CSMD1: variants seen among roughly 807,000 people sequenced by gnomAD.
CSMD1 encodes the protein CUB and sushi domain-containing protein 1.
Under a neutral mutation model 417.5 loss-of-function variants are expected in CSMD1, and 213 were observed. The ratio of observed to expected loss-of-function variants is 0.51; its 90% CI spans 0.46 to 0.57. The LOEUF is 0.57. CSMD1 is among the 20% of genes least tolerant of loss of function. The probability of loss-of-function intolerance (pLI) is 0.00; values close to 1 mark genes in which losing one functional copy is unlikely to be tolerated. For synonymous variants in CSMD1, 2,862 were observed against 1,736.8 expected (o/e 1.65, Z -16.11); for missense variants, 6,923 against 4,529.7 (o/e 1.53, Z -15.17).
intron 23 of CSMD1, among the ~76,000 whole-genome samples, chr8:3,311,933 T>C (rs1286101523): frequency 1.3e-5 from 2 of 152,214 alleles, no homozygotes; most frequent in Non-Finnish European, 2.9e-5. Context: ...AATATGCCTC[T>C]ATGTTCAGAA....
intron 1 of CSMD1, among the ~76,000 whole-genome samples, chr8:4,685,735 T>A (rs987656970): frequency 1.3e-5 from 2 of 152,230 alleles, no homozygotes; most frequent in African/African-American, 4.8e-5. Context: ...ACATTCTTTT[T>A]AAGAAATTAC....
At chr8:4,193,907 G>T (rs997738248) in intron 3 of CSMD1, among the ~76,000 whole-genome samples, 1 of 151,824 alleles carries the variant, frequency 6.6e-6, no homozygotes, top group African/African-American at 2.4e-5. Context: ...AAGGAAAGCG[G>T]CAGGAGAAAG....
At chr8:3,568,375 G>C (rs962452232) in intron 10 of CSMD1, among the ~76,000 whole-genome samples, 3 of 152,062 alleles carry the variant, frequency 2.0e-5, no homozygotes, top group Non-Finnish European at 4.4e-5. Context: ...CCTTGAGTCT[G>C]TACAGTTTTT....
chr8:3,599,219 G>A (rs1443028712), intron 8 of CSMD1, among the ~76,000 whole-genome samples: 6 of 151,734 alleles, frequency 4.0e-5, no homozygotes, highest in Middle Eastern at 3.4e-3. Context: ...GGTCCTAAAT[G>A]ATAAACAAAG....
intron 3 of CSMD1, among the ~76,000 whole-genome samples, chr8:4,055,837 T>C (rs900788248): frequency 1.3e-5 from 2 of 152,142 alleles, no homozygotes; most frequent in South Asian, 4.1e-4. Flanking sequence ...TTACAGTTGA[T>C]TTTCTTTTTT....
At chr8:4,134,809 C>G (rs1004741194) in intron 3 of CSMD1, among the ~76,000 whole-genome samples, 4 of 152,172 alleles carry the variant, frequency 2.6e-5, no homozygotes, top group Non-Finnish European at 4.4e-5. Context: ...TATTTTAACA[C>G]AAATTTTGTC....
chr8:3,337,472 A>G (rs756460612), intron 23 of CSMD1, among the ~76,000 whole-genome samples: 2 of 152,184 alleles, frequency 1.3e-5, no homozygotes, highest in African/African-American at 2.4e-5. Flanking sequence ...GATGGCTTCA[A>G]AGATCTCTTT....
intron 3 of CSMD1, among the ~76,000 whole-genome samples, chr8:4,331,019 A>G (rs888888996): frequency 1.3e-5 from 2 of 152,176 alleles, no homozygotes; most frequent in African/African-American, 4.8e-5. Flanking sequence ...TTCTTAGTGC[A>G]TTATCTTACA....
At chr8:4,088,852 G>A (rs1048403052) in intron 3 of CSMD1, among the ~76,000 whole-genome samples, 1 of 152,042 alleles carries the variant, frequency 6.6e-6, no homozygotes, top group African/African-American at 2.4e-5. Flanking sequence ...TAGTCTCCTG[G>A]TTTCCATGAC....
intron 23 of CSMD1, among the ~76,000 whole-genome samples, chr8:3,339,748 T>G (rs1203707982): frequency 6.6e-6 from 1 of 152,170 alleles, no homozygotes; most frequent in African/African-American, 2.4e-5. Flanking sequence ...TCTAAGCTTC[T>G]TATGTCACAG....
chr8:3,487,699 C>A (rs1818136167), intron 11 of CSMD1, among the ~76,000 whole-genome samples: 1 of 152,132 alleles, frequency 6.6e-6, no homozygotes, highest in African/African-American at 2.4e-5. Flanking sequence ...AACACATTGT[C>A]AAGAAGGCGG....
intron 17 of CSMD1, among the ~76,000 whole-genome samples, chr8:3,392,359 G>A (rs148799190): frequency 1.3e-5 from 2 of 152,248 alleles, no homozygotes; most frequent in African/African-American, 4.8e-5. Context: ...TTGGATGAGT[G>A]AGTGTAATCA....
intron 3 of CSMD1, among the ~76,000 whole-genome samples, chr8:4,308,456 G>C (rs1798373247): frequency 6.6e-6 from 1 of 152,128 alleles, no homozygotes; most frequent in Non-Finnish European, 1.5e-5. Context: ...TTTAGAAAAG[G>C]ATGTGATCTT....
chr8:3,445,868 T>C (rs1815270939), intron 12 of CSMD1, among the ~76,000 whole-genome samples: 2 of 152,028 alleles, frequency 1.3e-5, no homozygotes, highest in Non-Finnish European at 2.9e-5. Flanking sequence ...AGATGGTATG[T>C]TATAGAAATA....
intron 10 of CSMD1, among the ~76,000 whole-genome samples, chr8:3,494,712 T>C (rs2087596767): frequency 7.2e-6 from 1 of 138,540 alleles, no homozygotes; most frequent in East Asian, 2.1e-4. Flanking sequence ...GAGAGAGAGA[T>C]GTAACAAGAG....
At position 3,516,931 on chromosome 8, in the gene CSMD1, C is replaced by T. The variant is rs183871592; in HGVS notation, c.1345-23205G>A. On this transcript the variant is annotated intron_variant, in intron 10 of 69. Coordinates refer to ENST00000635120, the MANE Select transcript of CSMD1 (RefSeq NM_033225.6). ...AAATCGTAGAACCAACCCAAATGCC[C>T]GTCAATCAACGAGTGGATAAAGAGG... 4.2e-3 allele frequency among the ~76,000 whole-genome samples: 645 copies of T among 152,240 alleles called. 1 individual carries two copies. Among genetic ancestry groups the T allele is most frequent in the South Asian group, 0.023 (112 of 4,816 alleles).
chr8:4,801,249 C>T (rs1798266860), intron 1 of CSMD1, among the ~76,000 whole-genome samples: 1 of 152,160 alleles, frequency 6.6e-6, no homozygotes, highest in South Asian at 2.1e-4. Context: ...TGATCTATGA[C>T]TTTCTCAGCA....
intron 5 of CSMD1, among the ~76,000 whole-genome samples, chr8:3,797,182 G>A (rs930561350): frequency 1.3e-5 from 2 of 151,796 alleles, no homozygotes; most frequent in Non-Finnish European, 2.9e-5. Context: ...TATTCAACTT[G>A]AAATGTCAAA....
rs1024004453 is a variant in CSMD1, at chr8:3,230,291, C to T, written c.4154-60G>A. ...GAAAACATGGTTTCCACATTCTTGT[C>T]GGTGTGGTTGTTCTTGTGGGTTGAA... On this transcript the variant is annotated intron_variant, in intron 26 of 69. Coordinates refer to ENST00000635120, the MANE Select transcript of CSMD1 (RefSeq NM_033225.6). 14 of 1,359,364 alleles carry T rather than the reference C, an allele frequency of 1.0e-5. No individual in the cohort carries two copies. The African/African-American group carries it at 1.3e-4, about 13-fold the overall frequency. The allele number at this position is 1,359,364 out of a possible 1,614,324, so 84.2% of individuals were successfully genotyped here. A position where few individuals can be genotyped will look rare whatever the true frequency, so the allele number is the denominator to read the frequency against.
Sources: gnomAD v4.1 joint callset for allele counts (sites outside exome capture counted in the v4.1 genomes callset) on GRCh38, gnomAD v4.1.1 for gene constraint, MANE v1.5 for transcripts, NCBI Gene and HGNC (gene_info 2026-07-23, HGNC 2026-07-21) for gene names.